The following SUCLG2 variants were observed in gnomAD, a reference collection of about 807,000 sequenced individuals.
The protein encoded by SUCLG2 is succinate-CoA ligase GDP-forming subunit beta.
A neutral mutation model predicts 47.9 loss-of-function variants in SUCLG2; 42 were observed. The observed-to-expected ratio is 0.88, with a 90% CI of 0.69 to 1.14. The LOEUF (loss-of-function observed/expected upper bound fraction) is 1.14, where lower values mean the gene tolerates loss of function less well. Ranked by LOEUF, SUCLG2 falls within the 50% of genes most tolerant of loss-of-function variation. The pLI, the probability that SUCLG2 is intolerant of heterozygous loss-of-function variation, is 0.00. For missense variants in SUCLG2, 571 were observed against 525.9 expected (o/e 1.09, Z -0.84); for synonymous variants, 195 against 197.3 (o/e 0.99, Z 0.10).
chr3:67,380,810 G>A (rs1250348443), intron 10 of SUCLG2, among the ~76,000 whole-genome samples: 4 of 152,034 alleles, frequency 2.6e-5, no homozygotes, highest in Non-Finnish European at 5.9e-5. Context: ...ATAAGAGAAA[G>A]TAAAGGAAAA....
intron 1 of SUCLG2, among the ~76,000 whole-genome samples, chr3:67,612,826 T>G (rs537601260): frequency 6.6e-6 from 1 of 152,200 alleles, no homozygotes; most frequent in Non-Finnish European, 1.5e-5. Context: ...TACCTGTGCT[T>G]CTGACCAACC....
chr3:67,579,862 T>C lies in SUCLG2; in HGVS notation c.226+29593A>G, dbSNP rs189192344. On this transcript the variant is annotated intron_variant, in intron 2 of 10. Coordinates refer to ENST00000307227, the MANE Select transcript of SUCLG2 (RefSeq NM_003848.4). ...CTTGTTTATAGGAAAACACATGACA[T>C]TGAGTTACAAGGTAAAATGGTACCT... is the stretch of plus-strand genomic sequence containing the variant. 3.1e-3 allele frequency among the ~76,000 whole-genome samples: 476 copies of C among 152,304 alleles called. 3 individuals carry two copies. The highest frequency in any genetic ancestry group is 3.0e-3 in the Non-Finnish European group (206 of 68,028).
intron 7 of SUCLG2, among the ~76,000 whole-genome samples, chr3:67,498,668 C>T (rs879876101): frequency 2.6e-5 from 4 of 152,138 alleles, no homozygotes; most frequent in South Asian, 2.1e-4. Context: ...CCTTTCTCTT[C>T]TATGTAAAGA....
chr3:67,423,126 T>C (rs1230856572), intron 9 of SUCLG2, among the ~76,000 whole-genome samples: 4 of 152,112 alleles, frequency 2.6e-5, no homozygotes, highest in South Asian at 2.1e-4. Context: ...CGTATCAAGG[T>C]TGGGACCAGG....
intron 2 of SUCLG2, among the ~76,000 whole-genome samples, chr3:67,576,109 G>A (rs188015269): frequency 6.6e-6 from 1 of 152,258 alleles, no homozygotes; most frequent in East Asian, 1.9e-4. Context: ...GGGTCTCCTT[G>A]CTATTTCCAC....
In SUCLG2 at chr3:67,399,774, G is replaced by C. The variant is rs7620069; in HGVS notation, c.1183+957C>G. Among the ~76,000 whole-genome samples the C allele has an allele frequency of 4.3e-3, 652 of 152,248 alleles. 7 individuals carry two copies. The highest frequency in any genetic ancestry group is 0.014 in the African/African-American group (599 of 41,534). ...AATGGGTTTTAATGGAATATGAAAA[G>C]TTCATCGAGATAGTTCCAGATTCCA... On this transcript the variant is annotated intron_variant, in intron 10 of 10. Coordinates refer to ENST00000307227, the MANE Select transcript of SUCLG2 (RefSeq NM_003848.4).
At chr3:67,614,621 GC>G (rs987820820) in intron 1 of SUCLG2, among the ~76,000 whole-genome samples, 1 of 152,004 alleles carries the variant, frequency 6.6e-6, no homozygotes, top group Non-Finnish European at 1.5e-5. Flanking sequence ...CTGACACAGT[GC>G]TTCACAGGCT....
rs137932898 is a variant in SUCLG2 at position 67,523,002 on chromosome 3, A to G, written c.418-2368T>C. Among the ~76,000 whole-genome samples, 692 of 151,922 alleles carry G rather than the reference A, an allele frequency of 4.6e-3. 10 individuals are homozygous for G. The East Asian group carries it at 0.057, about 13-fold the overall frequency. ...TTTTTAGTAGAGACGGGGTTTCACC[A>G]TGGTCTCAATCTCCTGACCTCGTGA... On this transcript the variant is annotated intron_variant, in intron 4 of 10. Transcript: ENST00000307227.
intron 2 of SUCLG2, among the ~76,000 whole-genome samples, chr3:67,562,896 T>C (rs935942153): frequency 1.3e-5 from 2 of 152,062 alleles, no homozygotes; most frequent in Non-Finnish European, 2.9e-5. Context: ...ACTGTGTATG[T>C]ATGTACACAT....
intron 2 of SUCLG2, among the ~76,000 whole-genome samples, chr3:67,556,421 C>T (rs1317512139): frequency 1.3e-5 from 2 of 152,094 alleles, no homozygotes; most frequent in East Asian, 1.9e-4. Context: ...CAAATGCTAA[C>T]GGTTGAGGAA....
At chr3:67,497,142 T>C (rs1343069514) in intron 8 of SUCLG2, among the ~76,000 whole-genome samples, 3 of 152,202 alleles carry the variant, frequency 2.0e-5, no homozygotes, top group South Asian at 2.1e-4. Context: ...TGGTACATTA[T>C]AGTTATTGCT....
At chr3:67,426,134 G>C (rs986740683) in intron 9 of SUCLG2, among the ~76,000 whole-genome samples, 2 of 152,032 alleles carry the variant, frequency 1.3e-5, no homozygotes, top group African/African-American at 4.8e-5. Context: ...AGATTGCCAA[G>C]CTTTAGTATT....
At chr3:67,550,726 G>A (rs1160209176) in intron 2 of SUCLG2, among the ~76,000 whole-genome samples, 1 of 152,218 alleles carries the variant, frequency 6.6e-6, no homozygotes, top group African/African-American at 2.4e-5. Context: ...ATTAGGTGCA[G>A]TGGATAAGTT....
intron 9 of SUCLG2, among the ~76,000 whole-genome samples, chr3:67,434,082 A>G (rs889352145): frequency 2.0e-5 from 3 of 152,226 alleles, no homozygotes; most frequent in African/African-American, 4.8e-5. Flanking sequence ...TGCAACCCCA[A>G]ATCACTAAAG....
intron 9 of SUCLG2, among the ~76,000 whole-genome samples, chr3:67,447,370 T>G (rs1703951684): frequency 6.6e-6 from 1 of 152,238 alleles, no homozygotes; most frequent in African/African-American, 2.4e-5. Context: ...AGTGTAGGAA[T>G]GAGTTTTTTT....
chr3:67,424,403 T>C (rs1475747886), intron 9 of SUCLG2, among the ~76,000 whole-genome samples: 1 of 152,204 alleles, frequency 6.6e-6, no homozygotes, highest in African/African-American at 2.4e-5. Flanking sequence ...GGACGGACTC[T>C]AGTCACCAAC....
chr3:67,562,373 G>A (rs1293692669), intron 2 of SUCLG2, among the ~76,000 whole-genome samples: 2 of 152,022 alleles, frequency 1.3e-5, no homozygotes, highest in African/African-American at 4.8e-5. Context: ...CACTTCCCAG[G>A]TTCAAGTGAT....
chr3:67,525,920 A>G (rs928858094), intron 4 of SUCLG2, among the ~76,000 whole-genome samples: 1 of 152,176 alleles, frequency 6.6e-6, no homozygotes, highest in African/African-American at 2.4e-5. Flanking sequence ...ATAACTCAAA[A>G]CTCAATAGTA....
At chr3:67,463,637 C>T (rs1704392529) in intron 9 of SUCLG2, among the ~76,000 whole-genome samples, 1 of 152,164 alleles carries the variant, frequency 6.6e-6, no homozygotes, top group Non-Finnish European at 1.5e-5. Context: ...TGGGGCCATG[C>T]TTTTCCTGTT....
Sources: gnomAD v4.1 joint callset for allele counts (sites outside exome capture counted in the v4.1 genomes callset) on GRCh38, gnomAD v4.1.1 for gene constraint, MANE v1.5 for transcripts, NCBI Gene and HGNC (gene_info 2026-07-23, HGNC 2026-07-21) for gene names.